PLSCR2: variants seen among roughly 807,000 people sequenced by gnomAD.
The protein encoded by PLSCR2 is PL scramblase 2.
Under a neutral mutation model 25.3 loss-of-function variants are expected in PLSCR2, and 18 were observed. The observed-to-expected ratio is 0.71, with a 90% CI of 0.49 to 1.06. The LOEUF is 1.06. PLSCR2 is among the 50% of genes least tolerant of loss of function. The pLI is 0.00. For synonymous variants in PLSCR2, 88 were observed against 87.3 expected (o/e 1.01, Z -0.04); for missense variants, 243 against 269.5 (o/e 0.90, Z 0.69).
chr3:146,395,460 T>C (rs1200715120), intron 3 of PLSCR2, among the ~76,000 whole-genome samples: 4 of 152,186 alleles, frequency 2.6e-5, no homozygotes, highest in Admixed American at 6.5e-5. Context: ...AAATTTTACA[T>C]TGTAAGAGAT....
At chr3:146,424,491 A>G (rs899142302) in intron 2 of PLSCR2, among the ~76,000 whole-genome samples, 1 of 152,122 alleles carries the variant, frequency 6.6e-6, no homozygotes, top group Non-Finnish European at 1.5e-5. Context: ...TTATAAGACA[A>G]TAAATTTGTT....
At chr3:146,431,245 C>T (rs920581555), downstream of PLSCR2, among the ~76,000 whole-genome samples, 1 of 152,188 alleles carries the variant, frequency 6.6e-6, no homozygotes, top group Admixed American at 6.5e-5. Context: ...AGGCAAGGGG[C>T]CATGAAAAGG....
chr3:146,401,729 GAGAT>G (rs2038479202), intron 2 of PLSCR2, among the ~76,000 whole-genome samples: 1 of 152,002 alleles, frequency 6.6e-6, no homozygotes, highest in Non-Finnish European at 1.5e-5. Flanking sequence ...AGAAAAATGA[GAGAT>G]AGGCTAGGTA....
intron 2 of PLSCR2, among the ~76,000 whole-genome samples, chr3:146,421,047 A>T (rs2039132239): frequency 6.6e-6 from 1 of 152,080 alleles, no homozygotes; most frequent in African/African-American, 2.4e-5. Context: ...AAACAGCAGA[A>T]GCAGCTGTGA....
At chr3:146,478,188 A>G (rs1373284925) in intron 1 of PLSCR2, among the ~76,000 whole-genome samples, 16 of 152,224 alleles carry the variant, frequency 1.1e-4, no homozygotes, top group Admixed American at 1.0e-3. Context: ...TCTCCTCCAA[A>G]GGATCGCAAC....
At chr3:146,478,374 A>G (rs779103741) in intron 1 of PLSCR2, among the ~76,000 whole-genome samples, 1 of 152,208 alleles carries the variant, frequency 6.6e-6, no homozygotes, top group Non-Finnish European at 1.5e-5. Context: ...CTAACTAGAA[A>G]AAACAGTGTA....
chr3:146,486,759 T>G (rs2043359765), intron 1 of PLSCR2, among the ~76,000 whole-genome samples: 1 of 152,120 alleles, frequency 6.6e-6, no homozygotes, highest in South Asian at 2.1e-4. Flanking sequence ...CTGGTACCAT[T>G]CGTTCTGAAA....
chr3:146,398,312 AC>A (rs1156718631), intron 2 of PLSCR2, among the ~76,000 whole-genome samples: 1 of 151,848 alleles, frequency 6.6e-6, no homozygotes, highest in Admixed American at 6.6e-5. Flanking sequence ...AAAAGCAGAA[AC>A]TGCGTTAATG....
At chr3:146,478,403 CT>C (rs2043002358) in intron 1 of PLSCR2, among the ~76,000 whole-genome samples, 1 of 152,068 alleles carries the variant, frequency 6.6e-6, no homozygotes, top group African/African-American at 2.4e-5. Flanking sequence ...CCTAAATGAA[CT>C]GATGGAGGTA....
At chr3:146,408,533 C>T (rs1385566438) in intron 2 of PLSCR2, among the ~76,000 whole-genome samples, 1 of 151,872 alleles carries the variant, frequency 6.6e-6, no homozygotes, top group Non-Finnish European at 1.5e-5. Context: ...TTTAAGAAAA[C>T]TTTCGATTGT....
chr3:146,410,350 G>A (rs1375107879), intron 2 of PLSCR2, among the ~76,000 whole-genome samples: 1 of 152,180 alleles, frequency 6.6e-6, no homozygotes, highest in African/African-American at 2.4e-5. Flanking sequence ...TGACAAAAGA[G>A]GTGAGCAAGG....
At chr3:146,477,200 A>G (rs1437564839) in intron 1 of PLSCR2, among the ~76,000 whole-genome samples, 1 of 152,128 alleles carries the variant, frequency 6.6e-6, no homozygotes, top group African/African-American at 2.4e-5. Context: ...TGCATTTTCA[A>G]CTGAGGGACC....
intron 3 of PLSCR2, among the ~76,000 whole-genome samples, chr3:146,392,245 T>C (rs541400376): frequency 5.3e-5 from 8 of 152,272 alleles, no homozygotes; most frequent in African/African-American, 1.7e-4. Context: ...TCTGAAAGAA[T>C]ATAAACATTA....
At chr3:146,449,108 A>G (rs1184306781) in intron 6 of PLSCR2, 98 bp downstream of exon 6, 2 of 902,622 alleles carry the variant, frequency 2.2e-6, no homozygotes, top group African/African-American at 3.4e-5. Context: ...AAACCTTTAC[A>G]CTTTAAATGG....
intron 1 of PLSCR2, among the ~76,000 whole-genome samples, chr3:146,480,698 A>G (rs921915301): frequency 2.2e-4 from 34 of 152,204 alleles, no homozygotes; most frequent in African/African-American, 8.0e-4. Flanking sequence ...ATTCCAATCA[A>G]TAGAAAAAGA....
In PLSCR2 at chr3:146,469,095, G is replaced by A. The variant is rs918437988; in HGVS notation, c.-292-8811C>T. ...ACGTGGGCTCCTGGCGGACTTCATT[G>A]AATACTTACTGATAAATGACAGCTT... On this transcript the variant is annotated intron_variant, in intron 1 of 8. Transcript: ENST00000336685. 6.1e-6 allele frequency: 6 copies of A among 982,894 alleles called. No homozygotes were observed. The African/African-American group carries it at 1.0e-4, about 17-fold the overall frequency. 60.9% of individuals were successfully genotyped at this position (982,894 alleles called of 1,614,324 possible).
intron 1 of PLSCR2, among the ~76,000 whole-genome samples, chr3:146,472,783 G>C (rs1396260010): frequency 1.3e-5 from 2 of 152,166 alleles, no homozygotes; most frequent in Non-Finnish European, 1.5e-5. Flanking sequence ...CTTAGCTCCT[G>C]TTGCAACAGC....
intron 5 of PLSCR2, among the ~76,000 whole-genome samples, chr3:146,453,152 G>T (rs559105590): frequency 6.6e-6 from 1 of 152,136 alleles, no homozygotes; most frequent in African/African-American, 2.4e-5. Flanking sequence ...AGAGAAGGAA[G>T]GATGCAACAG....
At chr3:146,424,383 A>G (rs1344175094) in intron 2 of PLSCR2, among the ~76,000 whole-genome samples, 5 of 152,070 alleles carry the variant, frequency 3.3e-5, no homozygotes, top group African/African-American at 1.2e-4. Context: ...ATACAGTCAC[A>G]TTGCGGGTTT....
Sources: gnomAD v4.1 joint callset for allele counts (sites outside exome capture counted in the v4.1 genomes callset) on GRCh38, gnomAD v4.1.1 for gene constraint, MANE v1.5 for transcripts, NCBI Gene and HGNC (gene_info 2026-07-23, HGNC 2026-07-21) for gene names.